ERC2: variants seen among roughly 807,000 people sequenced by gnomAD.
ERC2 encodes ERC protein 2.
ERC2 carries 42 observed loss-of-function variants against 114.8 expected under a neutral mutation model. That is an observed-to-expected ratio of 0.37 (90% CI 0.29 to 0.47). ERC2 has a LOEUF of 0.47. ERC2 is among the 20% of genes least tolerant of loss of function. The probability of loss-of-function intolerance (pLI) is 0.99; values close to 1 mark genes in which losing one functional copy is unlikely to be tolerated. For missense variants in ERC2, 939 were observed against 1,150.7 expected (o/e 0.82, Z 2.66); for synonymous variants, 454 against 425.5 (o/e 1.07, Z -0.82).
intron 14 of ERC2, among the ~76,000 whole-genome samples, chr3:55,804,441 T>C (rs2059418173): frequency 6.6e-6 from 1 of 152,114 alleles, no homozygotes; most frequent in African/African-American, 2.4e-5. Context: ...GGCCAATGAG[T>C]GTTAGCCTAA....
At chr3:56,012,168 T>C (rs1560021402) in intron 8 of ERC2, among the ~76,000 whole-genome samples, 1 of 152,078 alleles carries the variant, frequency 6.6e-6, no homozygotes, top group Non-Finnish European at 1.5e-5. Context: ...CCACAGTACA[T>C]GGTCAATCTC....
At chr3:55,854,361 G>GTTGTTTTGTT (rs569569213) in intron 14 of ERC2, among the ~76,000 whole-genome samples, 1 of 152,236 alleles carries the variant, frequency 6.6e-6, no homozygotes, top group African/African-American at 2.4e-5. Context: ...TGCTTTTGTA[G>GTTGTTTTGTT]TTGTTTTGTT....
intron 15 of ERC2, among the ~76,000 whole-genome samples, chr3:55,709,890 C>T (rs971738100): frequency 2.6e-5 from 4 of 152,146 alleles, no homozygotes; most frequent in Non-Finnish European, 4.4e-5. Flanking sequence ...CAGCCAGGCC[C>T]TTGGAGGGGG....
At position 56,139,535 on chromosome 3, in the gene ERC2, G is replaced by T; in HGVS notation, c.1447C>A (p.Gln483Lys). The change falls in exon 6 of 18, where the codon CAG becomes AAG. Residue 483 changes from glutamine to lysine, a missense_variant. This residue lies in a region of ERC2 where 149 missense variants were observed against 254.6 expected (regional missense o/e 0.59). Coordinates refer to ENST00000288221, the MANE Select transcript of ERC2 (RefSeq NM_015576.3). ...VLKESLTAKE[Q>K]RAAILQTEVD... is the part of the protein sequence containing the mutation. The stretch of plus-strand genomic sequence containing the variant: ...TCAGTCTGAAGGATGGCAGCCCTCT[G>T]TTCTTTGGCAGTAAGTGACTCTTTG... 1 of 1,613,894 alleles carries T rather than the reference G, an allele frequency of 6.2e-7. No homozygotes were observed. Among genetic ancestry groups the T allele is most frequent in the Non-Finnish European group, 8.5e-7 (1 of 1,179,856 alleles).
intron 6 of ERC2, among the ~76,000 whole-genome samples, chr3:56,084,222 GGC>G (rs1257827650): frequency 6.6e-6 from 1 of 152,082 alleles, no homozygotes; most frequent in African/African-American, 2.4e-5. Context: ...AATAGATGTT[GGC>G]TTGGATGTGG....
At chr3:56,424,499 A>G (rs1047210075) in intron 2 of ERC2, among the ~76,000 whole-genome samples, 3 of 152,216 alleles carry the variant, frequency 2.0e-5, no homozygotes, top group African/African-American at 7.2e-5. Flanking sequence ...CGACTGCAAG[A>G]GATTACTGAG....
intron 7 of ERC2, among the ~76,000 whole-genome samples, chr3:56,079,996 G>C (rs925808332): frequency 6.6e-6 from 1 of 152,060 alleles, no homozygotes; most frequent in African/African-American, 2.4e-5. Context: ...CCAGGTCAGA[G>C]GCTCCTGCGG....
chr3:55,856,560 A>ATATG (rs1471594943), intron 14 of ERC2, among the ~76,000 whole-genome samples: 2 of 152,198 alleles, frequency 1.3e-5, no homozygotes, highest in African/African-American at 4.8e-5. Flanking sequence ...AAAGACACAC[A>ATATG]TGTATATGTC....
At chr3:55,614,727 A>G (rs1252137116) in intron 17 of ERC2, among the ~76,000 whole-genome samples, 3 of 152,230 alleles carry the variant, frequency 2.0e-5, no homozygotes, top group Non-Finnish European at 4.4e-5. Context: ...AGGCCCCTAC[A>G]AAGTAGGCTC....
intron 15 of ERC2, among the ~76,000 whole-genome samples, chr3:55,731,204 C>G (rs1348852253): frequency 3.9e-5 from 6 of 152,170 alleles, no homozygotes; most frequent in Admixed American, 2.6e-4. Flanking sequence ...GAGAGGAGGA[C>G]CAGGAAGCTT....
chr3:55,741,310 C>T (rs768991919), intron 14 of ERC2, among the ~76,000 whole-genome samples: 9 of 150,426 alleles, frequency 6.0e-5, no homozygotes, highest in Non-Finnish European at 8.9e-5. Context: ...TTTTTTTTCT[C>T]GCGGCAAATT....
chr3:56,068,284 G>A (rs1445121989), intron 7 of ERC2, among the ~76,000 whole-genome samples: 1 of 152,102 alleles, frequency 6.6e-6, no homozygotes, highest in African/African-American at 2.4e-5. Flanking sequence ...TACGTGTCCA[G>A]GAATTTCTCC....
chr3:55,960,319 C>T (rs1186658120), intron 12 of ERC2, among the ~76,000 whole-genome samples: 1 of 152,202 alleles, frequency 6.6e-6, no homozygotes, highest in Non-Finnish European at 1.5e-5. Context: ...AATTCAGTCT[C>T]CTTTCAGTTG....
At chr3:56,437,453 T>C (rs927509986) in intron 1 of ERC2, among the ~76,000 whole-genome samples, 17 of 152,244 alleles carry the variant, frequency 1.1e-4, no homozygotes, top group African/African-American at 4.1e-4. Context: ...ACAGGATCAA[T>C]GGGTAACTGA....
chr3:56,256,170 C>T (rs138987762), intron 3 of ERC2, among the ~76,000 whole-genome samples: 66 of 152,286 alleles, frequency 4.3e-4, no homozygotes, highest in African/African-American at 7.9e-4. Context: ...TTCCACAGAA[C>T]GAAAGAATGC....
At chr3:56,181,827 A>T (rs1019088206) in intron 3 of ERC2, among the ~76,000 whole-genome samples, 1 of 152,170 alleles carries the variant, frequency 6.6e-6, no homozygotes, top group Non-Finnish European at 1.5e-5. Flanking sequence ...GGATATCAAG[A>T]CATCCTATGG....
At chr3:56,419,850 T>C (rs1482419701) in intron 2 of ERC2, among the ~76,000 whole-genome samples, 2 of 152,168 alleles carry the variant, frequency 1.3e-5, no homozygotes, top group Non-Finnish European at 2.9e-5. Context: ...TTTCATCAGC[T>C]CTCAAAGTGT....
chr3:56,303,597 A>G (rs1006835484), intron 2 of ERC2, among the ~76,000 whole-genome samples: 1 of 152,188 alleles, frequency 6.6e-6, no homozygotes, highest in African/African-American at 2.4e-5. Context: ...TTGAGCTTAC[A>G]AGGAAGTAAG....
chr3:56,139,191 C>T (rs2080700511), intron 6 of ERC2, among the ~76,000 whole-genome samples: 1 of 152,172 alleles, frequency 6.6e-6, no homozygotes. Context: ...GAACCAAACA[C>T]CTTTGGTGGC....
Sources: allele counts gnomAD v4.1 joint callset (sites outside exome capture counted in the v4.1 genomes callset), GRCh38; gene constraint gnomAD v4.1.1; regional missense constraint gnomAD v4.1.1; transcripts MANE v1.5; gene names NCBI Gene and HGNC (gene_info 2026-07-23, HGNC 2026-07-21).